The following PLA2G4F variants were observed in gnomAD, a reference collection of about 807,000 sequenced individuals.
PLA2G4F encodes phospholipase A2 group IVF, also known as cytosolic phospholipase A2 zeta.
In PLA2G4F, 105 loss-of-function variants were observed where a neutral mutation model predicts 103.1. The ratio of observed to expected loss-of-function variants is 1.02; its 90% confidence interval spans 0.87 to 1.20. The LOEUF (loss-of-function observed/expected upper bound fraction) is 1.20, where lower values mean the gene tolerates loss of function less well. Among genes scored for constraint, PLA2G4F ranks in the 50% most tolerant of loss-of-function variants. PLA2G4F has a pLI of 0.00. For missense variants in PLA2G4F, 1,155 were observed against 1,075.9 expected (o/e 1.07, Z -1.03); for synonymous variants, 468 against 441.1 (o/e 1.06, Z -0.76).
In PLA2G4F at chr15:42,141,288, C is replaced by G. The variant is rs1195339433; in HGVS notation, c.*696G>C. Reference sequence around the variant, plus strand: ...TGTGGTCCAGGTTCGAAGAGTGAAGCCTGGGTAACTGGCAGGGAGACACGC... The same window carrying G: ...TGTGGTCCAGGTTCGAAGAGTGAAGGCTGGGTAACTGGCAGGGAGACACGC... On this transcript the variant is annotated 3_prime_UTR_variant, in exon 20 of 20. Coordinates refer to ENST00000397272, the MANE Select transcript of PLA2G4F (RefSeq NM_213600.4). The G allele has an allele frequency of 2.2e-6, 1 of 456,694 alleles. No individual in the cohort carries two copies. Among genetic ancestry groups the G allele is most frequent in the South Asian group, 1.5e-5 (1 of 64,558 alleles). 28.3% of individuals were successfully genotyped at this position (456,694 alleles called of 1,614,324 possible).
rs750297279 is a variant in PLA2G4F, at chr15:42,144,106, TG to T, written c.2013del (p.Met672CysfsTer45). 4 of 1,613,790 alleles carry T rather than the reference TG, an allele frequency of 2.5e-6. No individual in the cohort carries two copies. The highest frequency in any genetic ancestry group is 3.4e-6 in the Non-Finnish European group (4 of 1,179,896). On this transcript the variant is annotated frameshift_variant, in exon 18 of 20. Coordinates refer to ENST00000397272, the MANE Select transcript of PLA2G4F (RefSeq NM_213600.4). LOFTEE classifies it high-confidence loss of function. ...TCCACCAGGTACAGGCAGTCCCGCATGGGGGTGAGCTGGTTGGGGAAGGCGT... is the reference window on the plus strand; with the variant it reads ...TCCACCAGGTACAGGCAGTCCCGCATGGGGTGAGCTGGTTGGGGAAGGCGT... ...HPDAFPNQLT[P>X]MRDCLYLVDG...
intron 18 of PLA2G4F, among the ~76,000 whole-genome samples, chr15:42,143,699 G>A (rs1238595651): frequency 1.3e-5 from 2 of 152,204 alleles, no homozygotes; most frequent in African/African-American, 2.4e-5. Context: ...GATCTTCTAT[G>A]GATGAGGCTA....
At position 42,151,698 on chromosome 15, in the gene PLA2G4F, C is replaced by A. The variant is rs906524873; in HGVS notation, c.602-921G>T. The A allele has an allele frequency of 2.4e-5, 23 of 958,360 alleles. No homozygotes were observed. In the Admixed American group the frequency reaches 8.0e-4, roughly 33 times the overall value. 59.4% of individuals were successfully genotyped at this position (958,360 alleles called of 1,614,324 possible). ...AAAATAAGGAAAGTGATATTTTATT[C>A]ATGCCAAGGCCTATGGACTGAGATG... On this transcript the variant is annotated intron_variant, in intron 7 of 19. Transcript: ENST00000397272.
rs1298844649 is a variant in PLA2G4F, at chr15:42,150,484, ACT to A, written c.772_773del (p.Ser258TrpfsTer61). 2.5e-6 allele frequency: 4 copies of A among 1,610,992 alleles called. 1 individual carries two copies. The African/African-American group carries it at 5.4e-5, about 22-fold the overall frequency. ...GAGCCTCCAACTCTGCGCTGGGGCC[ACT>A]CTGTGGAAAAGAAAACACCCAAGAA... The part of the protein sequence containing the change: ...ELMELLAAVQ[S>X]GPSAELEAQT... On this transcript the variant is annotated frameshift_variant and splice_region_variant, in exon 9 of 20. Coordinates refer to ENST00000397272, the MANE Select transcript of PLA2G4F (RefSeq NM_213600.4). LOFTEE classifies it high-confidence loss of function.
intron 2 of PLA2G4F, 126 bp from the exon 3 acceptor site, chr15:42,154,584 G>A (rs2048993950): frequency 9.0e-7 from 1 of 1,109,186 alleles, no homozygotes; most frequent in Non-Finnish European, 1.2e-6. Flanking sequence ...TGGCATGGTG[G>A]GGTGAGGAGG....
chr15:42,147,302 G>C lies in PLA2G4F; in HGVS notation c.1241C>G (p.Ala414Gly), dbSNP rs1344002003. Residue 414 changes from alanine (A) to glycine (G), a missense_variant, in exon 13 of 20, where the codon GCC becomes GGC. This residue lies in a region of PLA2G4F where 782 missense variants were observed against 692.9 expected (regional missense o/e 1.13). Coordinates refer to ENST00000397272, the MANE Select transcript of PLA2G4F (RefSeq NM_213600.4). ...LYRDPAWSQV[A>G]LQGPIERAQV... is the part of the protein sequence containing the mutation. ...GGCACGCTCAATGGGGCCCTGCAAGGCCACCTGGGACCAGGCTGGGTCCCT... is the reference window on the plus strand; with the variant it reads ...GGCACGCTCAATGGGGCCCTGCAAGCCCACCTGGGACCAGGCTGGGTCCCT... 1 of 1,610,230 alleles carries C rather than the reference G, an allele frequency of 6.2e-7. No individual in the cohort carries two copies.
Position 42,154,375 on chromosome 15 carries a change from T to C in PLA2G4F, c.268A>G (p.Ser90Gly). The part of the protein sequence containing the change: ...PAQTRIVANC[S>G]DPEWNETFHY... Reference sequence around the variant, plus strand: ...AAGGTCTCATTCCACTCGGGGTCACTGCAGTTGGCCACTATCCTAGTCTGG... The same window carrying C: ...AAGGTCTCATTCCACTCGGGGTCACCGCAGTTGGCCACTATCCTAGTCTGG... Residue 90 changes from serine to glycine, a missense_variant, in exon 3 of 20, where the codon AGT (serine) becomes GGT (glycine). Ser to Gly is a moderately conservative substitution (Grantham distance 56). Coordinates refer to ENST00000397272, the MANE Select transcript of PLA2G4F (RefSeq NM_213600.4). The C allele has an allele frequency of 6.2e-7, 1 of 1,612,378 alleles. No homozygotes were observed. The highest frequency in any genetic ancestry group is 8.5e-7 in the Non-Finnish European group (1 of 1,178,862).
At chr15:42,144,195 A>T (rs1374138013) in intron 17 of PLA2G4F, 51 bp from the exon 18 acceptor site, 1 of 1,538,994 alleles carries the variant, frequency 6.5e-7, no homozygotes, top group South Asian at 1.2e-5. Flanking sequence ...TACTCTTGCT[A>T]GCAACCGCTT....
chr15:42,142,477 T>A (rs1166696312), intron 19 of PLA2G4F, 51 bp downstream of exon 19: 2 of 1,543,428 alleles, frequency 1.3e-6, no homozygotes, highest in South Asian at 2.4e-5. Flanking sequence ...CAGCGTCCCA[T>A]CACCATCCCA....
At chr15:42,146,382 C>A in intron 13 of PLA2G4F, 141 bp from the exon 14 acceptor site, 1 of 744,622 alleles carries the variant, frequency 1.3e-6, no homozygotes, top group Non-Finnish European at 2.2e-6. Context: ...GTAAGGACAG[C>A]CCTCTGAGGG....
At chr15:42,142,788 C>T in intron 18 of PLA2G4F, 74 bp from the exon 19 acceptor site, 1 of 1,478,502 alleles carries the variant, frequency 6.8e-7, no homozygotes, top group Non-Finnish European at 9.3e-7. Flanking sequence ...CTCACACACG[C>T]CCAGGCTTCA....
chr15:42,151,581 G>A (rs2048963154), intron 7 of PLA2G4F: 1 of 985,262 alleles, frequency 1.0e-6, no homozygotes, highest in African/African-American at 1.7e-5. Flanking sequence ...TGAGGGATGA[G>A]AGGTCCAGAG....
chr15:42,143,941 C>A (rs779038407), intron 18 of PLA2G4F, 37 bp downstream of exon 18: 13 of 1,563,980 alleles, frequency 8.3e-6, no homozygotes, highest in Non-Finnish European at 1.1e-5. Flanking sequence ...TGTCCACTCA[C>A]TGCAGGTGCT....
chr15:42,148,534 C>A (rs954634973), intron 11 of PLA2G4F: 16 of 879,996 alleles, frequency 1.8e-5, no homozygotes, highest in Non-Finnish European at 2.0e-5. Flanking sequence ...CCTCCCCTTT[C>A]CCCAGCAGCA....
chr15:42,151,068 T>C lies in PLA2G4F; in HGVS notation c.602-291A>G, dbSNP rs545344754. On this transcript the variant is annotated intron_variant, in intron 7 of 19. Coordinates refer to ENST00000397272, the MANE Select transcript of PLA2G4F (RefSeq NM_213600.4). ...AGGGAGAGGGGCCCTGCCCAGAGCCTGTGGGGCTGATGATTTGAGATGATT... is the reference window on the plus strand; with the variant it reads ...AGGGAGAGGGGCCCTGCCCAGAGCCCGTGGGGCTGATGATTTGAGATGATT... 3.3e-5 allele frequency: 33 copies of C among 985,360 alleles called. No homozygotes were observed. The African/African-American group carries it at 5.6e-4, about 17-fold the overall frequency. 61.0% of individuals were successfully genotyped at this position (985,360 alleles called of 1,614,324 possible). A position where few individuals can be genotyped will look rare whatever the true frequency, so the allele number is the denominator to read the frequency against.
At chr15:42,153,256 G>GC (rs2048977544) in intron 6 of PLA2G4F, 44 bp downstream of exon 6, 4 of 1,580,266 alleles carry the variant, frequency 2.5e-6, no homozygotes, top group East Asian at 2.2e-5. Flanking sequence ...GTTCCTCACT[G>GC]CCCCCCAGCC....
intron 13 of PLA2G4F, chr15:42,146,835 T>G (rs945233166): frequency 6.5e-5 from 24 of 366,876 alleles, no homozygotes; most frequent in Admixed American, 2.9e-4. Flanking sequence ...AATCACTCTC[T>G]CTGGAAGGGG....
rs2048896927 is a variant in PLA2G4F at position 42,147,121 on chromosome 15, C to T, written c.1419+3G>A. On this transcript the variant is annotated splice_donor_region_variant and intron_variant, in intron 13 of 19. Transcript: ENST00000397272. ...ACGTATTTCCTTCTGGCTCTTCTCT[C>T]ACCTCCTGGTACAGGAGATACTCAA... 1.2e-6 allele frequency: 2 copies of T among 1,610,604 alleles called. No homozygotes were observed. The highest frequency in any genetic ancestry group is 1.3e-5 in the African/African-American group (1 of 74,946).
intron 11 of PLA2G4F, chr15:42,149,147 T>C: frequency 4.1e-6 from 4 of 985,316 alleles, no homozygotes; most frequent in Non-Finnish European, 3.6e-6. Context: ...TTGATCACAT[T>C]ACAGACTCAA....
Sources: gnomAD v4.1 joint callset for allele counts (sites outside exome capture counted in the v4.1 genomes callset) on GRCh38, gnomAD v4.1.1 for gene constraint, gnomAD v4.1.1 regional missense constraint, MANE v1.5 for transcripts, NCBI Gene and HGNC (gene_info 2026-07-23, HGNC 2026-07-21) for gene names.